Variants in OR4E2 observed in about 807,000 individuals in gnomAD.
OR4E2 encodes olfactory receptor family 4 subfamily E member 2.
A neutral mutation model predicts 11.0 loss-of-function variants in OR4E2; 9 were observed. That is an observed-to-expected ratio of 0.82 (90% CI 0.49 to 1.43). OR4E2 has a LOEUF of 1.43. Among genes scored for constraint, OR4E2 ranks in the 40% most tolerant of loss-of-function variants. The pLI, the probability that OR4E2 is intolerant of heterozygous loss-of-function variation, is 0.00. For synonymous variants in OR4E2, 159 were observed against 147.3 expected, an observed-to-expected ratio of 1.08 and a Z score of -0.57; for missense variants, 441 against 382.0, an observed-to-expected ratio of 1.15 and a Z score of -1.29.
At chr14:21,654,383 T>TGCACACACACACACGCAC in intron 1 of OR4E2, among the ~76,000 whole-genome samples, 1 of 146,726 alleles carries the variant, frequency 6.8e-6, no homozygotes, top group East Asian at 2.0e-4. Context: ...CACACACGCA[T>TGCACACACACACACGCAC]GCACACACAC....
chr14:21,657,136 G>T (rs1463685831), intron 2 of OR4E2, among the ~76,000 whole-genome samples: 1 of 152,186 alleles, frequency 6.6e-6, no homozygotes, highest in African/African-American at 2.4e-5. Flanking sequence ...GTTTCTAAGA[G>T]CAAGGAAGTC....
At chr14:21,653,983 AAGAT>A (rs1244242965) in intron 1 of OR4E2, 44 bp downstream of exon 1, 1 of 152,208 alleles carries the variant, frequency 6.6e-6, no homozygotes, top group African/African-American at 2.4e-5. Flanking sequence ...TTAAACAAAT[AAGAT>A]AGATAGTTTT....
chr14:21,655,329 A>G (rs1266911365), intron 1 of OR4E2, among the ~76,000 whole-genome samples: 1 of 152,214 alleles, frequency 6.6e-6, no homozygotes, highest in Non-Finnish European at 1.5e-5. Flanking sequence ...AGAATAGACT[A>G]AGACAAATTG....
chr14:21,662,252 C>T (rs780207888), intron 3 of OR4E2, among the ~76,000 whole-genome samples: 7 of 150,834 alleles, frequency 4.6e-5, no homozygotes, highest in Admixed American at 2.6e-4. Flanking sequence ...ATTTTCTTCA[C>T]GTCTACCTTT....
intron 2 of OR4E2, among the ~76,000 whole-genome samples, chr14:21,657,549 G>T (rs1209005659): frequency 4.3e-5 from 5 of 115,198 alleles, no homozygotes; most frequent in African/African-American, 1.0e-4. Context: ...TTCTTTTTCT[G>T]TCTGTCTCTC....
chr14:21,665,904 C>T lies in OR4E2; in HGVS notation c.822C>T (p.Phe274=). The change falls in exon 4 of 4, where the codon TTC becomes TTT. Residue 274 remains phenylalanine, a synonymous_variant. Coordinates refer to ENST00000641524, the MANE Select transcript of OR4E2 (RefSeq NM_001001912.3). ...CCATTGACAAGGTGGTGTCTGTCTT[C>T]TACACAGTGGTCACCCCTTTGCTGA... ...SFSIDKVVSV[F]YTVVTPLLNP... 1 of 1,611,950 alleles carries T rather than the reference C, an allele frequency of 6.2e-7. No homozygotes were observed. The highest frequency in any genetic ancestry group is 1.1e-5 in the South Asian group (1 of 90,600).
At position 21,665,708 on chromosome 14, in the gene OR4E2, C is replaced by T. The variant is rs1398537569; in HGVS notation, c.626C>T (p.Ser209Phe). The T allele has an allele frequency of 9.3e-6, 15 of 1,614,080 alleles. No individual in the cohort carries two copies. The highest frequency in any genetic ancestry group is 1.1e-5 in the Non-Finnish European group (13 of 1,180,046). Reference sequence around the variant, plus strand: ...ACCAATAGTGGAACCATCTCCCTCTCCTGTTTCTTGGCCGTGGTCACCTCC... The same window carrying T: ...ACCAATAGTGGAACCATCTCCCTCTTCTGTTTCTTGGCCGTGGTCACCTCC... ...IVTNSGTISLSCFLAVVTSYM... is the reference protein window; with the variant it reads ...IVTNSGTISLFCFLAVVTSYM... Residue 209 changes from serine to phenylalanine, a missense_variant, in exon 4 of 4, where the codon TCC becomes TTC. Physicochemically the swap from Ser to Phe is radical, Grantham distance 155 (BLOSUM62 -2). Transcript: ENST00000641524.
intron 2 of OR4E2, among the ~76,000 whole-genome samples, chr14:21,660,320 C>A (rs566620700): frequency 6.6e-6 from 1 of 152,294 alleles, no homozygotes; most frequent in East Asian, 1.9e-4. Context: ...TGCTGTGCAG[C>A]CTGGTACCCA....
intron 2 of OR4E2, among the ~76,000 whole-genome samples, chr14:21,657,298 G>A (rs1377579955): frequency 1.3e-5 from 2 of 151,932 alleles, no homozygotes; most frequent in African/African-American, 4.8e-5. Flanking sequence ...AACTCACCAT[G>A]ACTACATCAT....
Position 21,665,105 on chromosome 14 carries a change from G to A in OR4E2, c.23G>A (p.Arg8Lys). The A allele has an allele frequency of 6.2e-7, 1 of 1,610,972 alleles. No homozygotes were observed. Among genetic ancestry groups the A allele is most frequent in the East Asian group, 2.2e-5 (1 of 44,874 alleles). ...TGAATGGACAGTCTAAACCAAACAA[G>A]AGTGACTGAATTTGTCTTCTTGGGA... is the stretch of plus-strand genomic sequence containing the variant. MDSLNQT[R>K]VTEFVFLGLT... The change falls in exon 4 of 4, where the codon AGA becomes AAA. Residue 8 changes from arginine (R) to lysine (K), a missense_variant. Arg to Lys is a conservative substitution (Grantham distance 26). Coordinates refer to ENST00000641524, the MANE Select transcript of OR4E2 (RefSeq NM_001001912.3).
At chr14:21,661,300 A>T in intron 3 of OR4E2, among the ~76,000 whole-genome samples, 1 of 152,214 alleles carries the variant, frequency 6.6e-6, no homozygotes, top group East Asian at 1.9e-4. Flanking sequence ...ATATGTATAA[A>T]TATTAATATG....
rs1353859534 is a variant in OR4E2, at chr14:21,665,129, G to A, written c.47G>A (p.Gly16Glu). ...AGAGTGACTGAATTTGTCTTCTTGG[G>A]ACTCACTGATAACCGGGTGCTGGAA... is the stretch of plus-strand genomic sequence containing the variant. ...QTRVTEFVFL[G>E]LTDNRVLEML... The change falls in exon 4 of 4, where the codon GGA (glycine) becomes GAA (glutamate). Residue 16 changes from glycine (G) to glutamate (E), a missense_variant. By Grantham distance (98) the Gly-to-Glu change is moderately conservative. Transcript: ENST00000641524. The A allele has an allele frequency of 1.2e-6, 2 of 1,613,508 alleles. No homozygotes were observed. The highest frequency in any genetic ancestry group is 1.7e-6 in the Non-Finnish European group (2 of 1,179,774).
chr14:21,658,163 AG>A (rs1473799998), intron 2 of OR4E2, among the ~76,000 whole-genome samples: 9 of 152,246 alleles, frequency 5.9e-5, no homozygotes, highest in African/African-American at 2.2e-4. Context: ...TAGGGACAGG[AG>A]AATTGGGACA....
rs1388381627 is a variant in OR4E2, at chr14:21,657,454, TCC to T, written c.-103+866_-103+867del. Among the ~76,000 whole-genome samples, 277 of 65,520 alleles carry T rather than the reference TCC, an allele frequency of 4.2e-3. 1 individual carries two copies. The highest frequency in any genetic ancestry group is 0.02 in the African/African-American group (248 of 12,106). The allele number at this position is 65,520 out of a possible 152,430, so 43.0% of individuals were successfully genotyped here. A position where few individuals can be genotyped will look rare whatever the true frequency, so the allele number is the denominator to read the frequency against. ...TTTCTTCTTTCTTTCCTTCCTTCCT[TCC>T]TTCCTTCCTTCCTTCCTTCCTTCCT... On this transcript the variant is annotated intron_variant, in intron 2 of 3. Transcript: ENST00000641524.
Position 21,665,608 on chromosome 14 carries a change from A to C in OR4E2, c.526A>C (p.Ser176Arg). 2 of 1,614,084 alleles carry C rather than the reference A, an allele frequency of 1.2e-6. No homozygotes were observed. The highest frequency in any genetic ancestry group is 8.5e-7 in the Non-Finnish European group (1 of 1,179,980). Residue 176 changes from serine (S) to arginine (R), a missense_variant, in exon 4 of 4, where the codon AGC becomes CGC. Coordinates refer to ENST00000641524, the MANE Select transcript of OR4E2 (RefSeq NM_001001912.3). Reference sequence around the variant, plus strand: ...TTACTGTGGCCCCAACATTATTGACAGCTACTTCTGTGATGTGCCTCTTGT... The same window carrying C: ...TTACTGTGGCCCCAACATTATTGACCGCTACTTCTGTGATGTGCCTCTTGT... Reference protein sequence around the residue: ...LPYCGPNIIDSYFCDVPLVIK... With the variant: ...LPYCGPNIIDRYFCDVPLVIK...
At chr14:21,658,970 A>AC (rs34247289) in intron 2 of OR4E2, among the ~76,000 whole-genome samples, 4 of 151,960 alleles carry the variant, frequency 2.6e-5, no homozygotes, top group African/African-American at 9.7e-5. Context: ...AGATCAACTT[A>AC]CCCCCAAATT....
At chr14:21,655,403 G>A (rs1461310800) in intron 1 of OR4E2, among the ~76,000 whole-genome samples, 2 of 152,218 alleles carry the variant, frequency 1.3e-5, no homozygotes, top group Admixed American at 1.3e-4. Context: ...CATGGCTCCA[G>A]CCTATAATCC....
intron 2 of OR4E2, among the ~76,000 whole-genome samples, chr14:21,660,140 G>C (rs1305447869): frequency 6.6e-6 from 1 of 152,030 alleles, no homozygotes; most frequent in African/African-American, 2.4e-5. Context: ...ATTGGTTTCA[G>C]GATAAAACTG....
chr14:21,665,407 T>G lies in OR4E2; in HGVS notation c.325T>G (p.Cys109Gly), dbSNP rs750404988. Residue 109 changes from cysteine (C) to glycine (G), a missense_variant, in exon 4 of 4, where the codon TGT becomes GGT. Transcript: ENST00000641524. ...GCTCTTCTTCCTACATCTCTTTGCCTGTGCCGAGATCTTTCTGCTGATCAT... is the reference window on the plus strand; with the variant it reads ...GCTCTTCTTCCTACATCTCTTTGCCGGTGCCGAGATCTTTCTGCTGATCAT... ...TQLFFLHLFA[C>G]AEIFLLIIMA... The G allele has an allele frequency of 6.2e-7, 1 of 1,614,104 alleles. No homozygotes were observed. Among genetic ancestry groups the G allele is most frequent in the Non-Finnish European group, 8.5e-7 (1 of 1,180,002 alleles).
Sources: allele counts gnomAD v4.1 joint callset (sites outside exome capture counted in the v4.1 genomes callset), GRCh38; gene constraint gnomAD v4.1.1; transcripts MANE v1.5; gene names NCBI Gene and HGNC (gene_info 2026-07-23, HGNC 2026-07-21).